The following ARHGAP20 variants were observed in gnomAD, a reference collection of about 807,000 sequenced individuals.
ARHGAP20 encodes the protein rho GTPase-activating protein 20.
In ARHGAP20, 34 loss-of-function variants were observed where a neutral mutation model predicts 73.7. The ratio of observed to expected loss-of-function variants is 0.46; its 90% CI spans 0.35 to 0.61. ARHGAP20 has a LOEUF of 0.61. Ranked by LOEUF, ARHGAP20 falls within the 20% of genes least tolerant of loss-of-function variation. The pLI is 0.00. For synonymous variants in ARHGAP20, 523 were observed against 518.2 expected (o/e 1.01, Z -0.13); for missense variants, 1,314 against 1,420.9 (o/e 0.92, Z 1.21).
intron 2 of ARHGAP20, among the ~76,000 whole-genome samples, chr11:110,638,851 G>A (rs976839733): frequency 2.6e-5 from 4 of 152,016 alleles, no homozygotes; most frequent in Admixed American, 6.6e-5. Context: ...GGACTGTTGC[G>A]GGGTGGGAGG....
chr11:110,612,242 C>T (rs1183647813), intron 6 of ARHGAP20, among the ~76,000 whole-genome samples: 1 of 150,228 alleles, frequency 6.7e-6, no homozygotes, highest in East Asian at 2.0e-4. Context: ...CATGGTGAAA[C>T]CCCGTCTCTA....
chr11:110,631,739 T>A (rs1383788883), intron 2 of ARHGAP20, among the ~76,000 whole-genome samples: 1 of 152,192 alleles, frequency 6.6e-6, no homozygotes, highest in Admixed American at 6.5e-5. Flanking sequence ...CTCCTTGCCA[T>A]AAGCCTCTGG....
chr11:110,711,286 C>A (rs1342671974), intron 1 of ARHGAP20, among the ~76,000 whole-genome samples: 2 of 152,118 alleles, frequency 1.3e-5, no homozygotes, highest in Non-Finnish European at 2.9e-5. Context: ...ACAGGGAACA[C>A]GCGCTGCCCC....
In ARHGAP20 at chr11:110,614,641, T is replaced by C. The variant is rs376005160; in HGVS notation, c.550A>G (p.Ile184Val). Residue 184 changes from isoleucine to valine, a missense_variant, in exon 6 of 15, where the codon ATC (isoleucine) becomes GTC (valine). Coordinates refer to ENST00000683387, the MANE Select transcript of ARHGAP20 (RefSeq NM_001384657.1). ...DKWLSLLQRYINLEKEKDYPK... is the reference protein window; with the variant it reads ...DKWLSLLQRYVNLEKEKDYPK... Reference sequence around the variant, plus strand: ...TAGTCCTTTTCTTTCTCTAGATTGATGTATCTAATCAAATGCAACAGCAAC... The same window carrying C: ...TAGTCCTTTTCTTTCTCTAGATTGACGTATCTAATCAAATGCAACAGCAAC... 6.2e-7 allele frequency: 1 copy of C among 1,609,052 alleles called. No individual in the cohort carries two copies. The highest frequency in any genetic ancestry group is 1.3e-5 in the African/African-American group (1 of 74,632).
intron 2 of ARHGAP20, among the ~76,000 whole-genome samples, chr11:110,665,689 A>T (rs1949710251): frequency 6.6e-6 from 1 of 152,190 alleles, no homozygotes; most frequent in Admixed American, 6.5e-5. Context: ...GAGCTCAGAG[A>T]TCTGCAAAGT....
rs1231179918 is a variant in ARHGAP20 at position 110,648,184 on chromosome 11, TA to T, written c.189-17393del. ...ATATATATATGTAAATATATATATA[TA>T]TATGTAAATATATATATATATGTAA... On this transcript the variant is annotated intron_variant, in intron 2 of 14. Transcript: ENST00000683387. 4.2e-3 allele frequency among the ~76,000 whole-genome samples: 463 copies of T among 109,820 alleles called. 7 individuals carry two copies. Among genetic ancestry groups the T allele is most frequent in the African/African-American group, 0.015 (404 of 26,514 alleles). The allele number at this position is 109,820 out of a possible 152,430, so 72.0% of individuals were successfully genotyped here.
intron 9 of ARHGAP20, among the ~76,000 whole-genome samples, chr11:110,598,355 GA>G (rs1948025659): frequency 1.3e-5 from 2 of 152,014 alleles, no homozygotes; most frequent in Non-Finnish European, 2.9e-5. Context: ...GGACAGACTG[GA>G]ACTCCAAGAA....
chr11:110,588,484 TAAAAC>T (rs1468406420), intron 11 of ARHGAP20, among the ~76,000 whole-genome samples: 2 of 152,084 alleles, frequency 1.3e-5, no homozygotes, highest in Non-Finnish European at 2.9e-5. Flanking sequence ...AAACAAGAAA[TAAAAC>T]AAAAGCTTAA....
intron 12 of ARHGAP20, among the ~76,000 whole-genome samples, chr11:110,585,007 ATG>A (rs1424194295): frequency 7.3e-6 from 1 of 137,730 alleles, no homozygotes; most frequent in Non-Finnish European, 1.6e-5. Context: ...ATATATGAAT[ATG>A]TATGTGAACA....
intron 2 of ARHGAP20, among the ~76,000 whole-genome samples, chr11:110,654,857 T>C (rs1253681300): frequency 6.6e-6 from 1 of 152,220 alleles, no homozygotes; most frequent in Non-Finnish European, 1.5e-5. Flanking sequence ...TACAATTATA[T>C]TGTAAATAAA....
In ARHGAP20 at chr11:110,578,112, G is replaced by T. The variant is rs1947336610; in HGVS notation, c.*1258C>A. 5.1e-6 allele frequency: 5 copies of T among 985,424 alleles called. No homozygotes were observed. Among genetic ancestry groups the T allele is most frequent in the Non-Finnish European group, 6.0e-6 (5 of 829,956 alleles). 61.0% of individuals were successfully genotyped at this position (985,424 alleles called of 1,614,324 possible). ...GCCTGATAATCTATTCCTAGGTGAC[G>T]AGATGTACTGCTGCAACCTTTAAGT... On this transcript the variant is annotated 3_prime_UTR_variant, in exon 15 of 15. Coordinates refer to ENST00000683387, the MANE Select transcript of ARHGAP20 (RefSeq NM_001384657.1).
chr11:110,690,684 G>A lies in ARHGAP20; in HGVS notation c.106-55C>T, dbSNP rs373000085. 5.2e-5 allele frequency: 81 copies of A among 1,543,456 alleles called. No individual in the cohort carries two copies. The African/African-American group carries it at 1.0e-3, about 20-fold the overall frequency. On this transcript the variant is annotated intron_variant, in intron 1 of 14. Transcript: ENST00000683387. ...CACATGGCTTGTAAGGCAAGACAAT[G>A]TTGATTTTTTTTTAAATCCAATTTA... is the stretch of plus-strand genomic sequence containing the variant.
chr11:110,654,208 A>T (rs1201995221), intron 2 of ARHGAP20, among the ~76,000 whole-genome samples: 1 of 152,122 alleles, frequency 6.6e-6, no homozygotes, highest in Admixed American at 6.6e-5. Flanking sequence ...ACTTAAAATA[A>T]AAAAATACAA....
At chr11:110,591,491 A>G (rs1159643079) in intron 10 of ARHGAP20, among the ~76,000 whole-genome samples, 1 of 152,276 alleles carries the variant, frequency 6.6e-6, no homozygotes. Flanking sequence ...TATTTAAAAT[A>G]TCAACTGGAG....
intron 2 of ARHGAP20, among the ~76,000 whole-genome samples, chr11:110,683,706 T>G (rs1950078944): frequency 1.3e-5 from 2 of 152,162 alleles, no homozygotes; most frequent in Non-Finnish European, 2.9e-5. Flanking sequence ...TGTGCCAATT[T>G]TTTTAAAAAG....
chr11:110,704,636 T>G (rs1950520092), intron 1 of ARHGAP20, among the ~76,000 whole-genome samples: 1 of 152,188 alleles, frequency 6.6e-6, no homozygotes, highest in South Asian at 2.1e-4. Context: ...CTCTGCTACC[T>G]TTCCAGCCTC....
intron 2 of ARHGAP20, among the ~76,000 whole-genome samples, chr11:110,659,728 A>G (rs962410004): frequency 2.6e-5 from 4 of 152,150 alleles, no homozygotes; most frequent in Admixed American, 6.5e-5. Context: ...GCAGCCATAA[A>G]AAATGATGAG....
chr11:110,655,024 C>T (rs1165815164), intron 2 of ARHGAP20, among the ~76,000 whole-genome samples: 1 of 152,114 alleles, frequency 6.6e-6, no homozygotes. Context: ...AGTTAGTATT[C>T]CATAAAAACA....
chr11:110,712,347 A>G lies in ARHGAP20; in HGVS notation c.-116T>C. The G allele has an allele frequency of 1.2e-6, 1 of 829,234 alleles. No homozygotes were observed. Among genetic ancestry groups the G allele is most frequent in the Non-Finnish European group, 1.6e-6 (1 of 613,366 alleles). 51.4% of individuals were successfully genotyped at this position (829,234 alleles called of 1,614,324 possible). A position where few individuals can be genotyped will look rare whatever the true frequency, so the allele number is the denominator to read the frequency against. On this transcript the variant is annotated 5_prime_UTR_variant, in exon 1 of 15. Coordinates refer to ENST00000683387, the MANE Select transcript of ARHGAP20 (RefSeq NM_001384657.1). ...GGAGGCGCGGCTGCCGTGCTCAGGC[A>G]GGGAGCCGAGCTCCGGGTGCTCGCC... is the stretch of plus-strand genomic sequence containing the variant.
Sources: allele counts gnomAD v4.1 joint callset (sites outside exome capture counted in the v4.1 genomes callset), GRCh38; gene constraint gnomAD v4.1.1; transcripts MANE v1.5; gene names NCBI Gene and HGNC (gene_info 2026-07-23, HGNC 2026-07-21).